The following COBLL1 variants were observed in gnomAD, a reference collection of about 807,000 sequenced individuals.
COBLL1 encodes the protein cordon-bleu protein-like 1.
Under a neutral mutation model 94.8 loss-of-function variants are expected in COBLL1, and 50 were observed. That is an observed-to-expected ratio of 0.53 (90% confidence interval 0.42 to 0.67). The LOEUF is 0.67. Ranked by LOEUF, COBLL1 falls within the 30% of genes least tolerant of loss-of-function variation. The probability of loss-of-function intolerance (pLI) is 0.00; values close to 1 mark genes in which losing one functional copy is unlikely to be tolerated. For missense variants in COBLL1, 1,362 were observed against 1,348.7 expected (o/e 1.01, Z -0.15); for synonymous variants, 448 against 473.8 (o/e 0.95, Z 0.71).
chr2:164,719,601 T>G (rs1319284013), intron 7 of COBLL1, among the ~76,000 whole-genome samples: 3 of 152,182 alleles, frequency 2.0e-5, no homozygotes, highest in Admixed American at 2.0e-4. Flanking sequence ...CGACCTTCTC[T>G]GTGTCTCTCT....
At chr2:164,790,983 T>A (rs1339959066) in intron 2 of COBLL1, among the ~76,000 whole-genome samples, 1 of 152,224 alleles carries the variant, frequency 6.6e-6, no homozygotes, top group Non-Finnish European at 1.5e-5. Flanking sequence ...AGATAACTCC[T>A]ATCAGAAGTC....
intron 2 of COBLL1, among the ~76,000 whole-genome samples, chr2:164,771,751 C>G (rs1030633683): frequency 1.8e-4 from 27 of 151,938 alleles, no homozygotes; most frequent in Admixed American, 5.3e-4. Flanking sequence ...ATCTACTTTC[C>G]TTTGACAAGA....
At position 164,694,574 on chromosome 2, in the gene COBLL1, C is replaced by A. The variant is rs756784317; in HGVS notation, c.2818G>T (p.Gly940Cys). ...GGGGAGGCTTCAGCAGGAGCCTGAC[C>A]GATGACATCATCATCAGTTTTTTCA... ...LVEKTDDDVI[G>C]QAPAEASPPP... The change falls in exon 12 of 14, where the codon GGT (glycine) becomes TGT (cysteine). Residue 940 changes from glycine (G) to cysteine (C), a missense_variant. Gly to Cys is a radical substitution (Grantham distance 159, BLOSUM62 -3). Transcript: ENST00000652658. The A allele has an allele frequency of 3.7e-6, 6 of 1,613,766 alleles. No homozygotes were observed. The highest frequency in any genetic ancestry group is 3.4e-6 in the Non-Finnish European group (4 of 1,179,864).
chr2:164,721,556 A>G (rs1685442312), intron 7 of COBLL1, among the ~76,000 whole-genome samples: 1 of 152,226 alleles, frequency 6.6e-6, no homozygotes, highest in South Asian at 2.1e-4. Flanking sequence ...TATATTCTAT[A>G]TAAAAAGGCT....
chr2:164,798,474 T>TA (rs1185880324), intron 2 of COBLL1, among the ~76,000 whole-genome samples: 1 of 152,090 alleles, frequency 6.6e-6, no homozygotes, highest in Admixed American at 6.5e-5. Flanking sequence ...CAATTACAAC[T>TA]ATTCAAGCCA....
intron 2 of COBLL1, among the ~76,000 whole-genome samples, chr2:164,759,742 G>A (rs990426973): frequency 3.9e-5 from 6 of 152,158 alleles, no homozygotes; most frequent in African/African-American, 1.2e-4. Flanking sequence ...GCCATGAGAT[G>A]GAAAAAGGTG....
intron 7 of COBLL1, among the ~76,000 whole-genome samples, chr2:164,719,981 C>T (rs1408421267): frequency 6.6e-6 from 1 of 151,554 alleles, no homozygotes; most frequent in Non-Finnish European, 1.5e-5. Context: ...AGGTTCAAGA[C>T]CAAGGAAGAA....
chr2:164,792,014 C>G (rs1416946173), intron 2 of COBLL1, among the ~76,000 whole-genome samples: 1 of 152,054 alleles, frequency 6.6e-6, no homozygotes, highest in Non-Finnish European at 1.5e-5. Context: ...TCCACAGCCT[C>G]TTTTGGTAAA....
chr2:164,718,962 G>A (rs1685311528), intron 7 of COBLL1, among the ~76,000 whole-genome samples: 1 of 151,972 alleles, frequency 6.6e-6, no homozygotes, highest in Non-Finnish European at 1.5e-5. Flanking sequence ...TAATCATTCT[G>A]TAGAGGATCT....
At chr2:164,754,423 G>C (rs891663188) in intron 2 of COBLL1, among the ~76,000 whole-genome samples, 1 of 152,236 alleles carries the variant, frequency 6.6e-6, no homozygotes, top group Admixed American at 6.5e-5. Context: ...TGTTATTTTA[G>C]GTACCCTCCT....
intron 9 of COBLL1, chr2:164,703,586 A>G (rs1243372797): frequency 7.1e-6 from 3 of 424,242 alleles, no homozygotes; most frequent in Non-Finnish European, 9.4e-6. Flanking sequence ...AGGAGTGAAG[A>G]ATTCTTACAT....
At chr2:164,743,980 T>G in intron 2 of COBLL1, 105 bp from the exon 3 acceptor site, 1 of 800,750 alleles carries the variant, frequency 1.2e-6, no homozygotes, top group Non-Finnish European at 1.8e-6. Context: ...GTTTTTCACA[T>G]CTAGAAAAAA....
chr2:164,796,604 T>C (rs1161267559), intron 2 of COBLL1, among the ~76,000 whole-genome samples: 1 of 146,614 alleles, frequency 6.8e-6, no homozygotes, highest in Non-Finnish European at 1.5e-5. Context: ...TATTTTAATA[T>C]AAATTTACTA....
At chr2:164,815,652 G>A (rs1175905288) in intron 2 of COBLL1, among the ~76,000 whole-genome samples, 1 of 152,088 alleles carries the variant, frequency 6.6e-6, no homozygotes, top group Non-Finnish European at 1.5e-5. Flanking sequence ...TTGGTATTAA[G>A]AATATCAATA....
At chr2:164,824,267 G>A (rs549837112) in intron 2 of COBLL1, among the ~76,000 whole-genome samples, 3 of 152,050 alleles carry the variant, frequency 2.0e-5, no homozygotes, top group East Asian at 3.9e-4. Context: ...TGTAATCCCA[G>A]CTACTTGGGA....
chr2:164,771,910 T>C (rs1688223877), intron 2 of COBLL1: 1 of 151,430 alleles, frequency 6.6e-6, no homozygotes, highest in Non-Finnish European at 1.5e-5. Flanking sequence ...ATTGAATGTA[T>C]AATGAGTCTG....
chr2:164,729,017 T>A (rs540542294), intron 4 of COBLL1, among the ~76,000 whole-genome samples: 1 of 151,948 alleles, frequency 6.6e-6, no homozygotes, highest in East Asian at 1.9e-4. Flanking sequence ...ATAGCATAAA[T>A]ATAACTATTT....
chr2:164,746,873 T>C (rs1312244963), intron 2 of COBLL1, among the ~76,000 whole-genome samples: 1 of 152,122 alleles, frequency 6.6e-6, no homozygotes, highest in Non-Finnish European at 1.5e-5. Flanking sequence ...GCTCCTGACC[T>C]TAACACCCCC....
At chr2:164,671,394 G>T (rs1691239056) in intron 1 of COBLL1, among the ~76,000 whole-genome samples, 1 of 152,002 alleles carries the variant, frequency 6.6e-6, no homozygotes, top group Non-Finnish European at 1.5e-5. Context: ...CCCTTGCTAT[G>T]AAGTGCAAGG....
Sources: gnomAD v4.1 joint callset for allele counts (sites outside exome capture counted in the v4.1 genomes callset) on GRCh38, gnomAD v4.1.1 for gene constraint, MANE v1.5 for transcripts, NCBI Gene and HGNC (gene_info 2026-07-23, HGNC 2026-07-21) for gene names.